ESPNL: variants seen among roughly 807,000 people sequenced by gnomAD.
ESPNL encodes the protein espin-like protein.
In ESPNL, 49 loss-of-function variants were observed where a neutral mutation model predicts 46.8. The observed-to-expected ratio is 1.05, with a 90% confidence interval of 0.83 to 1.33. The LOEUF (loss-of-function observed/expected upper bound fraction) is 1.33, where lower values mean the gene tolerates loss of function less well. ESPNL is among the 40% of genes most tolerant of loss of function. ESPNL has a pLI of 0.00. For missense variants in ESPNL, 1,540 were observed against 1,436.6 expected (o/e 1.07, Z -1.16); for synonymous variants, 664 against 662.1 (o/e 1.00, Z -0.04).
At chr2:238,119,062 GATGGATGGAAGAGGGTGAATGGAGGAGA>G in intron 5 of ESPNL, among the ~76,000 whole-genome samples, 1 of 116,376 alleles carries the variant, frequency 8.6e-6, no homozygotes, top group African/African-American at 3.5e-5. Flanking sequence ...AATGGAAGAG[GATGGATGGAAGAGGGTGAATGGAGGAGA>G]GTGGATGGAA....
At chr2:238,127,798 C>T in intron 7 of ESPNL, 64 bp downstream of exon 7, 1 of 1,292,210 alleles carries the variant, frequency 7.7e-7, no homozygotes, top group South Asian at 1.3e-5. Context: ...TTCCCATCCT[C>T]TTAGGGGCCC....
chr2:238,105,447 A>C (rs1691574645), intron 3 of ESPNL, among the ~76,000 whole-genome samples: 2 of 144,720 alleles, frequency 1.4e-5, no homozygotes, highest in South Asian at 4.4e-4. Flanking sequence ...TGGGAGGCGG[A>C]GGTTGCTGTG....
At chr2:238,104,209 G>T (rs1350528299) in intron 2 of ESPNL, among the ~76,000 whole-genome samples, 2 of 152,144 alleles carry the variant, frequency 1.3e-5, no homozygotes, top group African/African-American at 4.8e-5. Context: ...ACCCTCCCCG[G>T]TGACTTTGGC....
chr2:238,121,339 C>T (rs59609853), intron 5 of ESPNL, among the ~76,000 whole-genome samples: 14,703 of 152,276 alleles, frequency 0.097, 882 homozygotes, highest in African/African-American at 0.16. Flanking sequence ...CCCACTCACC[C>T]CCACCCGCCA....
chr2:238,127,774 C>G, intron 7 of ESPNL, 40 bp downstream of exon 7: 6 of 1,501,890 alleles, frequency 4.0e-6, no homozygotes, highest in Non-Finnish European at 5.5e-6. Flanking sequence ...CCCGGGGCCC[C>G]TAGCCAGCCT....
Position 238,100,348 on chromosome 2 carries a change from C to G in ESPNL, c.-72C>G, listed in dbSNP as rs1239815254. 2 of 1,394,018 alleles carry G rather than the reference C, an allele frequency of 1.4e-6. No individual in the cohort carries two copies. Among genetic ancestry groups the G allele is most frequent in the Non-Finnish European group, 1.9e-6 (2 of 1,067,240 alleles). 86.4% of individuals were successfully genotyped at this position (1,394,018 alleles called of 1,614,324 possible). A position where few individuals can be genotyped will look rare whatever the true frequency, so the allele number is the denominator to read the frequency against. On this transcript the variant is annotated 5_prime_UTR_variant, in exon 1 of 9. Coordinates refer to ENST00000343063, the MANE Select transcript of ESPNL (RefSeq NM_194312.4). ...CAGCTTATCGGGTAACCAGAGCCGGCAGCTTCATCCACGTCTGAAACAGGA... is the reference window on the plus strand; with the variant it reads ...CAGCTTATCGGGTAACCAGAGCCGGGAGCTTCATCCACGTCTGAAACAGGA...
At chr2:238,100,807 G>C (rs1481552533) in intron 1 of ESPNL, 94 bp downstream of exon 1, 1 of 1,135,324 alleles carries the variant, frequency 8.8e-7, no homozygotes, top group African/African-American at 1.6e-5. Context: ...TGGCCACCCC[G>C]GGCTCCATGG....
In ESPNL at chr2:238,128,569, GC is replaced by G. The variant is rs531618407; in HGVS notation, c.1216-133del. The G allele has an allele frequency of 4.1e-4, 289 of 712,114 alleles. 2 individuals are homozygous for G. In the South Asian group the frequency reaches 4.4e-3, roughly 11 times the overall value. 44.1% of individuals were successfully genotyped at this position (712,114 alleles called of 1,614,324 possible). On this transcript the variant is annotated intron_variant, in intron 7 of 8. Transcript: ENST00000343063. Reference sequence around the variant, plus strand: ...ATGAGGGGGTGGGGTGCTGTCCGTGGCCCCCACTGTCCCTCCTCTCAGGGCG... The same window carrying G: ...ATGAGGGGGTGGGGTGCTGTCCGTGGCCCCACTGTCCCTCCTCTCAGGGCG...
chr2:238,130,340 C>G lies in ESPNL; in HGVS notation c.1626C>G (p.Pro542=), dbSNP rs373066514. ...CGGCTGAGCTGCAGGCCCTGCTGCC[C>G]GAGCCCCTGGTCAGCATCACGGTCA... ...RLAAELQALL[P]EPLVSITVNS... Residue 542 remains proline (P), a synonymous_variant, in exon 9 of 9, where the codon CCC becomes CCG. Transcript: ENST00000343063. The G allele has an allele frequency of 6.2e-7, 1 of 1,607,666 alleles. No homozygotes were observed. Among genetic ancestry groups the G allele is most frequent in the Non-Finnish European group, 8.5e-7 (1 of 1,177,778 alleles).
At chr2:238,115,041 G>A (rs1310757964) in intron 4 of ESPNL, among the ~76,000 whole-genome samples, 3 of 152,134 alleles carry the variant, frequency 2.0e-5, no homozygotes, top group East Asian at 3.8e-4. Flanking sequence ...CGGTTCTGGC[G>A]CTGGTCTTGC....
chr2:238,117,529 C>A (rs1465318301), intron 5 of ESPNL, among the ~76,000 whole-genome samples: 1 of 152,192 alleles, frequency 6.6e-6, no homozygotes, highest in African/African-American at 2.4e-5. Flanking sequence ...GGAGTGGGAA[C>A]GGAACCTCCC....
chr2:238,107,985 G>A lies in ESPNL; in HGVS notation c.855+12G>A, dbSNP rs755634462. On this transcript the variant is annotated intron_variant, in intron 4 of 8. Coordinates refer to ENST00000343063, the MANE Select transcript of ESPNL (RefSeq NM_194312.4). ...ACGGGCAGATGGAGGTAAGGTGGGC[G>A]TGAGGGAGACAGGGTGAGCAGTCAC... is the stretch of plus-strand genomic sequence containing the variant. 6.9e-6 allele frequency: 11 copies of A among 1,603,262 alleles called. No homozygotes were observed. The highest frequency in any genetic ancestry group is 4.5e-5 in the East Asian group (2 of 44,780).
Position 238,131,596 on chromosome 2 carries a change from C to T in ESPNL, c.2882C>T (p.Pro961Leu), listed in dbSNP as rs763343045. 1.9e-6 allele frequency: 3 copies of T among 1,611,876 alleles called. No individual in the cohort carries two copies. In the South Asian group the frequency reaches 3.3e-5, roughly 18 times the overall value. The change falls in exon 9 of 9, where the codon CCT becomes CTT. Residue 961 changes from proline (P) to leucine (L), a missense_variant. By Grantham distance (98) the Pro-to-Leu change is moderately conservative (BLOSUM62 -3). Coordinates refer to ENST00000343063, the MANE Select transcript of ESPNL (RefSeq NM_194312.4). ...LPHAAVPCSG[P>L]EPTAQRLGSR... ...CACGCCGCCGTCCCCTGCAGCGGCC[C>T]TGAGCCCACAGCACAGCGGCTGGGG...
chr2:238,104,762 G>A lies in ESPNL; in HGVS notation c.592G>A (p.Val198Met), dbSNP rs371819795. 27 of 1,603,164 alleles carry A rather than the reference G, an allele frequency of 1.7e-5. No individual in the cohort carries two copies. The East Asian group carries it at 2.0e-4, about 12-fold the overall frequency. The change falls in exon 3 of 9, where the codon GTG becomes ATG. Residue 198 changes from valine to methionine, a missense_variant. Transcript: ENST00000343063. Reference sequence around the variant, plus strand: ...CCTGGTGAAGGACTGTGGCGCTGACGTGCACCTTCGTGCTCTCGATGGCAT... The same window carrying A: ...CCTGGTGAAGGACTGTGGCGCTGACATGCACCTTCGTGCTCTCGATGGCAT... ...QFLVKDCGAD[V>M]HLRALDGMSA...
intron 4 of ESPNL, among the ~76,000 whole-genome samples, chr2:238,108,497 G>A (rs1197820636): frequency 2.6e-5 from 4 of 152,136 alleles, no homozygotes; most frequent in East Asian, 3.9e-4. Context: ...GGCCCTGCCC[G>A]GGTGCCCACC....
In ESPNL at chr2:238,125,213, G is replaced by T; in HGVS notation, c.988-57G>T. The T allele has an allele frequency of 9.1e-6, 7 of 769,812 alleles. No individual in the cohort carries two copies. In the South Asian group the frequency reaches 1.2e-4, roughly 14 times the overall value. The allele number at this position is 769,812 out of a possible 1,614,324, so 47.7% of individuals were successfully genotyped here. ...CACTGGGTGCCCCTGCCCCTGTCTA[G>T]GTGAGCAGGGAAGAGCCCACGGGGG... On this transcript the variant is annotated intron_variant, in intron 5 of 8. Coordinates refer to ENST00000343063, the MANE Select transcript of ESPNL (RefSeq NM_194312.4).
chr2:238,105,955 T>C (rs1192812155), intron 3 of ESPNL, among the ~76,000 whole-genome samples: 2 of 152,068 alleles, frequency 1.3e-5, no homozygotes, highest in African/African-American at 2.4e-5. Context: ...TTGCATGCAC[T>C]GCACCCTGTG....
intron 4 of ESPNL, among the ~76,000 whole-genome samples, chr2:238,109,718 A>G (rs1013920166): frequency 6.6e-6 from 1 of 152,250 alleles, no homozygotes; most frequent in African/African-American, 2.4e-5. Context: ...AGTGAACCCA[A>G]ACTAGCACAG....
In ESPNL at chr2:238,104,777, C is replaced by T. The variant is rs1691558937; in HGVS notation, c.607C>T (p.Leu203Phe). Residue 203 changes from leucine (L) to phenylalanine (F), a missense_variant, in exon 3 of 9, where the codon CTC becomes TTC. Physicochemically the swap from Leu to Phe is conservative, Grantham distance 22. Transcript: ENST00000343063. Reference protein sequence around the residue: ...DCGADVHLRALDGMSALHAAA... With the variant: ...DCGADVHLRAFDGMSALHAAA... Reference sequence around the variant, plus strand: ...TGGCGCTGACGTGCACCTTCGTGCTCTCGATGGCATGAGCGCCCTGCACGC... The same window carrying T: ...TGGCGCTGACGTGCACCTTCGTGCTTTCGATGGCATGAGCGCCCTGCACGC... 1 of 1,597,754 alleles carries T rather than the reference C, an allele frequency of 6.3e-7. No homozygotes were observed. Among genetic ancestry groups the T allele is most frequent in the Non-Finnish European group, 8.5e-7 (1 of 1,174,042 alleles).
Sources: allele counts gnomAD v4.1 joint callset (sites outside exome capture counted in the v4.1 genomes callset), GRCh38; gene constraint gnomAD v4.1.1; transcripts MANE v1.5; gene names NCBI Gene and HGNC (gene_info 2026-07-23, HGNC 2026-07-21).